The following ASTN2 variants were observed in gnomAD, a reference collection of about 807,000 sequenced individuals.
ASTN2 encodes the protein astrotactin-2.
ASTN2 carries 54 observed loss-of-function variants against 139.8 expected under a neutral mutation model. That is an observed-to-expected ratio of 0.39 (90% CI 0.31 to 0.48). The LOEUF (loss-of-function observed/expected upper bound fraction) is 0.48. Ranked by LOEUF, ASTN2 falls within the 20% of genes least tolerant of loss-of-function variation. ASTN2 has a pLI of 0.95. For missense variants in ASTN2, 1,565 were observed against 1,725.1 expected (o/e 0.91, Z 1.64); for synonymous variants, 756 against 719.5 (o/e 1.05, Z -0.81).
intron 19 of ASTN2, among the ~76,000 whole-genome samples, chr9:116,488,957 A>G (rs939299111): frequency 6.6e-6 from 1 of 152,222 alleles, no homozygotes; most frequent in Non-Finnish European, 1.5e-5. Context: ...TGGATGATCT[A>G]GGAAAAAAAC....
intron 2 of ASTN2, among the ~76,000 whole-genome samples, chr9:117,288,958 C>G (rs772715661): frequency 6.6e-6 from 1 of 152,230 alleles, no homozygotes; most frequent in East Asian, 1.9e-4. Context: ...GTCTACATAA[C>G]TATTAGTATA....
intron 19 of ASTN2, among the ~76,000 whole-genome samples, chr9:116,491,276 T>C (rs2119100186): frequency 6.6e-6 from 1 of 152,340 alleles, no homozygotes; most frequent in African/African-American, 2.4e-5. Flanking sequence ...CTCACAGCAA[T>C]CTAACAAGTT....
chr9:116,469,942 C>G (rs749869529), intron 20 of ASTN2, among the ~76,000 whole-genome samples: 2 of 152,018 alleles, frequency 1.3e-5, no homozygotes, highest in African/African-American at 4.8e-5. Context: ...CGGTGGCTCA[C>G]GTCTGTAATC....
chr9:117,385,217 T>C (rs1830366308), intron 1 of ASTN2, among the ~76,000 whole-genome samples: 1 of 152,170 alleles, frequency 6.6e-6, no homozygotes, highest in Non-Finnish European at 1.5e-5. Context: ...CTCGAACTCC[T>C]GGCCTCAAGT....
intron 17 of ASTN2, among the ~76,000 whole-genome samples, chr9:116,621,455 A>G: frequency 6.6e-6 from 1 of 151,898 alleles, no homozygotes; most frequent in Non-Finnish European, 1.5e-5. Context: ...ACACACACAC[A>G]CACACACACA....
At chr9:117,185,161 A>C (rs564695806) in intron 3 of ASTN2, among the ~76,000 whole-genome samples, 20 of 152,312 alleles carry the variant, frequency 1.3e-4, no homozygotes, top group Admixed American at 5.9e-4. Flanking sequence ...GTCTATAAAC[A>C]TTTTGATAAG....
chr9:116,680,767 C>A (rs1417367246), intron 16 of ASTN2, among the ~76,000 whole-genome samples: 9 of 152,126 alleles, frequency 5.9e-5, no homozygotes, highest in Admixed American at 5.2e-4. Context: ...GAACCAAAGA[C>A]AAAAATCACA....
chr9:116,564,893 GTATTGTAAGGGA>G (rs1325662276), intron 19 of ASTN2, among the ~76,000 whole-genome samples: 3 of 151,830 alleles, frequency 2.0e-5, no homozygotes, highest in Non-Finnish European at 2.9e-5. Context: ...ATCAACTCAG[GTATTGTAAGGGA>G]TATGATGAGA....
chr9:116,566,890 C>T (rs575662481), intron 19 of ASTN2, among the ~76,000 whole-genome samples: 1 of 152,310 alleles, frequency 6.6e-6, no homozygotes, highest in Non-Finnish European at 1.5e-5. Flanking sequence ...CAGGGTCAGA[C>T]TCCCCCCAAC....
At chr9:117,050,274 G>C (rs540428924) in intron 5 of ASTN2, among the ~76,000 whole-genome samples, 1 of 152,204 alleles carries the variant, frequency 6.6e-6, no homozygotes, top group Non-Finnish European at 1.5e-5. Context: ...TTCCATGAAA[G>C]GTTCATTTCT....
intron 10 of ASTN2, among the ~76,000 whole-genome samples, chr9:116,964,312 A>G (rs1835955764): frequency 6.7e-6 from 1 of 149,306 alleles, no homozygotes; most frequent in Non-Finnish European, 1.5e-5. Context: ...TGGGCAGAGT[A>G]AGATACGCTA....
At chr9:117,064,283 C>G (rs919264795) in intron 5 of ASTN2, among the ~76,000 whole-genome samples, 1 of 152,106 alleles carries the variant, frequency 6.6e-6, no homozygotes, top group Admixed American at 6.6e-5. Flanking sequence ...CTGCTGCAGT[C>G]CAGCTTCCAG....
chr9:116,811,174 T>G (rs1405438785), intron 12 of ASTN2, among the ~76,000 whole-genome samples: 1 of 152,182 alleles, frequency 6.6e-6, no homozygotes, highest in Non-Finnish European at 1.5e-5. Flanking sequence ...ATTTAATTCC[T>G]TCCTGCTGTT....
chr9:116,749,763 C>T (rs932221305), intron 13 of ASTN2, among the ~76,000 whole-genome samples: 2 of 152,096 alleles, frequency 1.3e-5, no homozygotes, highest in African/African-American at 2.4e-5. Flanking sequence ...AACACCATCC[C>T]GTTGGTGACA....
At chr9:117,306,624 T>G (rs1835006133) in intron 1 of ASTN2, among the ~76,000 whole-genome samples, 1 of 152,192 alleles carries the variant, frequency 6.6e-6, no homozygotes, top group African/African-American at 2.4e-5. Context: ...TCACACTGTC[T>G]TAATGGAAAC....
chr9:117,084,871 T>C (rs72760108), intron 5 of ASTN2, among the ~76,000 whole-genome samples: 21,813 of 152,218 alleles, frequency 0.14, 1,625 homozygotes, highest in Middle Eastern at 0.19. Context: ...GGCCAGACAG[T>C]CCTATGAAAT....
Position 116,863,601 on chromosome 9 carries a change from C to T in ASTN2, c.2022G>A (p.Val674=). ...RNFKCVSDRQ[V]DSSGCVCPEE... is the part of the protein sequence containing the mutation. Reference sequence around the variant, plus strand: ...CACTTACCACACATCCCGAGGAATCCACCTGCCGGTCAGACACACACTTGA... The same window carrying T: ...CACTTACCACACATCCCGAGGAATCTACCTGCCGGTCAGACACACACTTGA... The change falls in exon 11 of 23, where the codon GTG becomes GTA. Residue 674 remains valine, a synonymous_variant. Transcript: ENST00000313400. 1.2e-6 allele frequency: 2 copies of T among 1,614,100 alleles called. No individual in the cohort carries two copies. The highest frequency in any genetic ancestry group is 1.7e-6 in the Non-Finnish European group (2 of 1,179,984).
chr9:116,633,959 G>C (rs191591874), intron 17 of ASTN2, among the ~76,000 whole-genome samples: 11 of 152,264 alleles, frequency 7.2e-5, no homozygotes, highest in Non-Finnish European at 1.2e-4. Context: ...GAAAAGTCTA[G>C]ATCATTTAAC....
At chr9:117,253,277 CTT>C (rs970390283) in intron 2 of ASTN2, among the ~76,000 whole-genome samples, 163 of 152,266 alleles carry the variant, frequency 1.1e-3, no homozygotes, top group Middle Eastern at 6.8e-3. Flanking sequence ...TCTTATATCT[CTT>C]GTTTCTCTTC....
Sources: gnomAD v4.1 joint callset for allele counts (sites outside exome capture counted in the v4.1 genomes callset) on GRCh38, gnomAD v4.1.1 for gene constraint, MANE v1.5 for transcripts, NCBI Gene and HGNC (gene_info 2026-07-23, HGNC 2026-07-21) for gene names.